The following UNC119B variants were observed in gnomAD, a reference collection of about 807,000 sequenced individuals.
UNC119B encodes the protein protein unc-119 homolog B.
In UNC119B, 16 loss-of-function variants were observed where a neutral mutation model predicts 23.4. The ratio of observed to expected loss-of-function variants is 0.68; its 90% CI spans 0.46 to 1.04. The LOEUF is 1.04. UNC119B is among the 50% of genes least tolerant of loss of function. UNC119B has a pLI of 0.00. For synonymous variants in UNC119B, 144 were observed against 145.4 expected (o/e 0.99, Z 0.07); for missense variants, 350 against 361.3 (o/e 0.97, Z 0.25).
chr12:120,720,058 T>C lies in UNC119B; in HGVS notation c.*26T>C. On this transcript the variant is annotated 3_prime_UTR_variant, in exon 5 of 5. Coordinates refer to ENST00000344651, the MANE Select transcript of UNC119B (RefSeq NM_001080533.3). ...GTGCTGCAAGAGTAGATAGGGGAGG[T>C]GCTTTGCCGCGGCCACAAGATCCTG... 1 of 1,541,566 alleles carries C rather than the reference T, an allele frequency of 6.5e-7. No individual in the cohort carries two copies. Among genetic ancestry groups the C allele is most frequent in the South Asian group, 1.1e-5 (1 of 89,064 alleles).
intron 4 of UNC119B, 98 bp downstream of exon 4, chr12:120,717,140 G>A: frequency 2.4e-6 from 3 of 1,264,084 alleles, no homozygotes; most frequent in Non-Finnish European, 3.3e-6. Flanking sequence ...ATTGTCTCGT[G>A]GCAGTGCTGA....
intron 4 of UNC119B, among the ~76,000 whole-genome samples, chr12:120,718,861 G>C (rs1171394495): frequency 2.0e-5 from 3 of 152,172 alleles, no homozygotes; most frequent in East Asian, 3.9e-4. Context: ...ACAGTTCCCA[G>C]GTAAAATGAG....
chr12:120,715,292 C>T (rs983237894), intron 2 of UNC119B, among the ~76,000 whole-genome samples: 6 of 152,194 alleles, frequency 3.9e-5, no homozygotes, highest in African/African-American at 1.2e-4. Flanking sequence ...GATTTGCTGT[C>T]TCTCTGAGTC....
chr12:120,710,910 C>G (rs973528110), intron 1 of UNC119B, 192 bp downstream of exon 1: 6 of 471,040 alleles, frequency 1.3e-5, no homozygotes, highest in Non-Finnish European at 2.0e-5. Flanking sequence ...GGGAAGGACT[C>G]TCCTGGGCTG....
intron 2 of UNC119B, among the ~76,000 whole-genome samples, chr12:120,715,626 C>T (rs773986667): frequency 2.2e-4 from 32 of 143,612 alleles, no homozygotes; most frequent in Non-Finnish European, 3.6e-4. Flanking sequence ...CTCCGCCTCC[C>T]GGGTTCAAGC....
rs902672588 is a variant in UNC119B at position 120,722,451 on chromosome 12, T to G, written c.*2419T>G. The G allele has an allele frequency of 6.6e-6, 1 of 152,252 alleles. No individual in the cohort carries two copies. The highest frequency in any genetic ancestry group is 2.4e-5 in the African/African-American group (1 of 41,456). 9.4% of individuals were successfully genotyped at this position (152,252 alleles called of 1,614,324 possible). A position where few individuals can be genotyped will look rare whatever the true frequency, so the allele number is the denominator to read the frequency against. On this transcript the variant is annotated 3_prime_UTR_variant, in exon 5 of 5. Coordinates refer to ENST00000344651, the MANE Select transcript of UNC119B (RefSeq NM_001080533.3). ...TTTGTACCTGAGTTGGGGAGAGAAT[T>G]GCAAGGCATACTTTCTCTGAAAGTA...
intron 1 of UNC119B, among the ~76,000 whole-genome samples, chr12:120,712,934 A>G (rs1016799735): frequency 1.3e-5 from 2 of 152,262 alleles, no homozygotes; most frequent in Non-Finnish European, 2.9e-5. Flanking sequence ...AATGTCTTAG[A>G]TTGGAATTCT....
intron 4 of UNC119B, 145 bp downstream of exon 4, chr12:120,717,187 C>T (rs1592928070): frequency 5.1e-6 from 4 of 780,472 alleles, no homozygotes; most frequent in East Asian, 2.6e-5. Flanking sequence ...TCAGGCTTCT[C>T]ATTTCCTATT....
intron 2 of UNC119B, among the ~76,000 whole-genome samples, chr12:120,716,130 C>A (rs1362138778): frequency 6.6e-6 from 1 of 152,090 alleles, no homozygotes; most frequent in Non-Finnish European, 1.5e-5. Flanking sequence ...CTTTTGTAGC[C>A]TCATTCTTTT....
intron 1 of UNC119B, among the ~76,000 whole-genome samples, chr12:120,712,725 A>G (rs1882695308): frequency 6.6e-6 from 1 of 152,228 alleles, no homozygotes. Flanking sequence ...ACATTCATTC[A>G]TTTGCGTATT....
intron 2 of UNC119B, among the ~76,000 whole-genome samples, chr12:120,714,472 C>A (rs970581794): frequency 6.6e-6 from 1 of 152,150 alleles, no homozygotes; most frequent in Non-Finnish European, 1.5e-5. Flanking sequence ...AGGTGCCCAC[C>A]ACCATGCCTA....
intron 4 of UNC119B, 134 bp downstream of exon 4, chr12:120,717,176 C>A: frequency 1.2e-6 from 1 of 853,728 alleles, no homozygotes; most frequent in Non-Finnish European, 1.8e-6. Flanking sequence ...GTCATTTGAC[C>A]TCAGGCTTCT....
Position 120,710,727 on chromosome 12 carries a change from C to G in UNC119B, c.244+9C>G. On this transcript the variant is annotated intron_variant, in intron 1 of 4. Transcript: ENST00000344651. Reference sequence around the variant, plus strand: ...CAGCCGGGTCACCGAGAGTGAGTGCCGCGCGGGCCGCGCCCTCCCCTCGCG... The same window carrying G: ...CAGCCGGGTCACCGAGAGTGAGTGCGGCGCGGGCCGCGCCCTCCCCTCGCG... 1 of 1,359,250 alleles carries G rather than the reference C, an allele frequency of 7.4e-7. No homozygotes were observed. The highest frequency in any genetic ancestry group is 9.4e-7 in the Non-Finnish European group (1 of 1,059,168). The allele number at this position is 1,359,250 out of a possible 1,614,324, so 84.2% of individuals were successfully genotyped here. A position where few individuals can be genotyped will look rare whatever the true frequency, so the allele number is the denominator to read the frequency against.
Position 120,720,826 on chromosome 12 carries a change from CT to C in UNC119B, c.*796del, listed in dbSNP as rs1882882007. 6.6e-6 allele frequency: 1 copy of C among 152,234 alleles called. No homozygotes were observed. 9.4% of individuals were successfully genotyped at this position (152,234 alleles called of 1,614,324 possible). A position where few individuals can be genotyped will look rare whatever the true frequency, so the allele number is the denominator to read the frequency against. Reference sequence around the variant, plus strand: ...CTCTGCTCATGGAACAGTAGTATCTCTTGAGGCCAGAGCAGGTCTTGTATTT... The same window carrying C: ...CTCTGCTCATGGAACAGTAGTATCTCTGAGGCCAGAGCAGGTCTTGTATTT... On this transcript the variant is annotated 3_prime_UTR_variant, in exon 5 of 5. Transcript: ENST00000344651.
chr12:120,718,455 G>T (rs1163407471), intron 4 of UNC119B, among the ~76,000 whole-genome samples: 1 of 152,194 alleles, frequency 6.6e-6, no homozygotes, highest in Non-Finnish European at 1.5e-5. Context: ...AAAGTGTTGA[G>T]ATAGATCCAG....
chr12:120,711,156 C>G (rs1424139752), intron 1 of UNC119B: 1 of 154,530 alleles, frequency 6.5e-6, no homozygotes, highest in East Asian at 1.9e-4. Context: ...GGCCAGAAGC[C>G]TTACCTGCTT....
intron 2 of UNC119B, 114 bp from the exon 3 acceptor site, chr12:120,716,514 T>G (rs1436650530): frequency 9.3e-7 from 1 of 1,080,882 alleles, no homozygotes; most frequent in Non-Finnish European, 1.4e-6. Flanking sequence ...TGGCCATTCT[T>G]CTTGTTGGTG....
chr12:120,714,659 AGCT>A (rs1882734981), intron 2 of UNC119B, among the ~76,000 whole-genome samples: 1 of 152,108 alleles, frequency 6.6e-6, no homozygotes, highest in African/African-American at 2.4e-5. Flanking sequence ...GATCAAGACC[AGCT>A]AGCTTCCTGG....
rs1592925444 is a variant in UNC119B, at chr12:120,710,567, C to T, written c.93C>T (p.Gly31=). The change falls in exon 1 of 5, where the codon GGC becomes GGT. Residue 31 remains glycine, a synonymous_variant. Transcript: ENST00000344651. The part of the protein sequence containing the change: ...VAGKEEKKKA[G]GGVLNRLKAR... ...GCAAGGAGGAGAAGAAGAAGGCGGG[C>T]GGCGGCGTCCTGAACCGCCTGAAGG... is the stretch of plus-strand genomic sequence containing the variant. 7 of 1,395,416 alleles carry T rather than the reference C, an allele frequency of 5.0e-6. No individual in the cohort carries two copies. The highest frequency in any genetic ancestry group is 6.1e-5 in the East Asian group (2 of 32,698). 86.4% of individuals were successfully genotyped at this position (1,395,416 alleles called of 1,614,324 possible). A position where few individuals can be genotyped will look rare whatever the true frequency, so the allele number is the denominator to read the frequency against.
Sources: gnomAD v4.1 joint callset for allele counts (sites outside exome capture counted in the v4.1 genomes callset) on GRCh38, gnomAD v4.1.1 for gene constraint, MANE v1.5 for transcripts, NCBI Gene and HGNC (gene_info 2026-07-23, HGNC 2026-07-21) for gene names.